Variants in VAT1L observed in about 807,000 individuals in gnomAD.
VAT1L encodes putative NADPH-dependent quinone oxidoreductase VAT1L.
VAT1L carries 34 observed loss-of-function variants against 44.1 expected under a neutral mutation model. That is an observed-to-expected ratio of 0.77 (90% CI 0.59 to 1.03). VAT1L has a LOEUF of 1.03. Among genes scored for constraint, VAT1L ranks in the 50% least tolerant of loss-of-function variants. The pLI is 0.00. For synonymous variants in VAT1L, 253 were observed against 202.2 expected (o/e 1.25, Z -2.13); for missense variants, 615 against 538.8 (o/e 1.14, Z -1.40).
chr16:77,834,475 C>A (rs1296731631), intron 3 of VAT1L, among the ~76,000 whole-genome samples: 2 of 152,168 alleles, frequency 1.3e-5, no homozygotes, highest in Non-Finnish European at 2.9e-5. Context: ...CACATCACTT[C>A]CAGGCCTGCC....
At chr16:77,942,412 C>G (rs927048161) in intron 7 of VAT1L, among the ~76,000 whole-genome samples, 1 of 151,864 alleles carries the variant, frequency 6.6e-6, no homozygotes, top group Admixed American at 6.6e-5. Context: ...GGGGACACAG[C>G]CACACCATAT....
intron 5 of VAT1L, among the ~76,000 whole-genome samples, chr16:77,878,484 TATAAAGG>T (rs1490771509): frequency 1.3e-5 from 2 of 151,834 alleles, no homozygotes; most frequent in Non-Finnish European, 2.9e-5. Context: ...CCCGAAACCT[TATAAAGG>T]GTCTTTACTC....
chr16:77,933,838 G>C (rs998613466), intron 7 of VAT1L, among the ~76,000 whole-genome samples: 2 of 152,210 alleles, frequency 1.3e-5, no homozygotes, highest in African/African-American at 4.8e-5. Context: ...GAAGTAGTCA[G>C]ATGGCACATA....
At chr16:77,866,612 G>GA (rs3038775) in intron 4 of VAT1L, among the ~76,000 whole-genome samples, 3,884 of 114,926 alleles carry the variant, frequency 0.034, 133 homozygotes, top group African/African-American at 0.097. Context: ...CAATGAACCA[G>GA]AAAAAAAAAA....
At chr16:77,854,082 C>T (rs984714004) in intron 3 of VAT1L, among the ~76,000 whole-genome samples, 3 of 151,830 alleles carry the variant, frequency 2.0e-5, no homozygotes, top group African/African-American at 4.8e-5. Flanking sequence ...GAGCCAAGAT[C>T]GCACCACTGC....
At position 77,822,895 on chromosome 16, in the gene VAT1L, G is replaced by A. The variant is rs1248938641; in HGVS notation, c.364-2351G>A. Among the ~76,000 whole-genome samples, 3 of 152,114 alleles carry A rather than the reference G, an allele frequency of 2.0e-5. No homozygotes were observed. In the East Asian group the frequency reaches 5.8e-4, roughly 29 times the overall value. On this transcript the variant is annotated intron_variant, in intron 2 of 8. Transcript: ENST00000302536. Reference sequence around the variant, plus strand: ...TCTGAATTAGGTAACCCGAACCCCTGCCCCCGACAGAGCTGCCCTGGCAGC... The same window carrying A: ...TCTGAATTAGGTAACCCGAACCCCTACCCCCGACAGAGCTGCCCTGGCAGC...
intron 7 of VAT1L, among the ~76,000 whole-genome samples, chr16:77,952,587 G>C (rs1446521345): frequency 6.6e-6 from 1 of 152,042 alleles, no homozygotes; most frequent in African/African-American, 2.4e-5. Context: ...ATGAGCCCCT[G>C]GTGACTCACA....
chr16:77,926,843 C>T (rs1319330223), intron 7 of VAT1L, among the ~76,000 whole-genome samples: 2 of 152,108 alleles, frequency 1.3e-5, no homozygotes, highest in African/African-American at 2.4e-5. Context: ...GGGACACCCT[C>T]CCTCCTTCCA....
chr16:77,838,701 C>G (rs1167176560), intron 3 of VAT1L, among the ~76,000 whole-genome samples: 1 of 151,574 alleles, frequency 6.6e-6, no homozygotes, highest in Non-Finnish European at 1.5e-5. Flanking sequence ...CTGTCCATTT[C>G]CATCTCTCTT....
chr16:77,880,320 C>T (rs1056370003), intron 6 of VAT1L, among the ~76,000 whole-genome samples: 13 of 152,098 alleles, frequency 8.5e-5, no homozygotes, highest in South Asian at 2.1e-4. Flanking sequence ...CTATACCCAG[C>T]GAATTTATGT....
At chr16:77,930,221 C>A (rs952211294) in intron 7 of VAT1L, among the ~76,000 whole-genome samples, 26 of 152,294 alleles carry the variant, frequency 1.7e-4, no homozygotes, top group Non-Finnish European at 2.8e-4. Flanking sequence ...TTGAGATGAA[C>A]CACTGAATTC....
chr16:77,876,557 T>C (rs2017089403), intron 5 of VAT1L, 84 bp downstream of exon 5: 20 of 1,234,952 alleles, frequency 1.6e-5, no homozygotes, highest in Non-Finnish European at 2.1e-5. Context: ...AAGTGAATTG[T>C]GCTGATATGT....
At position 77,909,687 on chromosome 16, in the gene VAT1L, A is replaced by G. The variant is rs551068040; in HGVS notation, c.1077+24885A>G. ...TCTCTTGAGCTACTGAGTGCTGAGCACTCTGCCTGTATCTTTTCGTGCAAT... is the reference window on the plus strand; with the variant it reads ...TCTCTTGAGCTACTGAGTGCTGAGCGCTCTGCCTGTATCTTTTCGTGCAAT... On this transcript the variant is annotated intron_variant, in intron 7 of 8. Coordinates refer to ENST00000302536, the MANE Select transcript of VAT1L (RefSeq NM_020927.3). Among the ~76,000 whole-genome samples, 6 of 150,774 alleles carry G rather than the reference A, an allele frequency of 4.0e-5. No individual in the cohort carries two copies. The East Asian group carries it at 9.8e-4, about 25-fold the overall frequency.
chr16:77,892,306 T>G, intron 7 of VAT1L: 1 of 264,902 alleles, frequency 3.8e-6, no homozygotes, highest in Admixed American at 4.5e-5. Context: ...ATGGCAGATT[T>G]CAACTAGCTG....
At chr16:77,925,229 G>A (rs1323660222) in intron 7 of VAT1L, among the ~76,000 whole-genome samples, 1 of 152,124 alleles carries the variant, frequency 6.6e-6, no homozygotes, top group East Asian at 1.9e-4. Context: ...GCAGCCTGGA[G>A]AGTGAGGGCC....
intron 3 of VAT1L, among the ~76,000 whole-genome samples, chr16:77,836,757 T>C (rs1485051351): frequency 6.6e-6 from 1 of 152,218 alleles, no homozygotes; most frequent in Non-Finnish European, 1.5e-5. Context: ...TCATTCTTTA[T>C]TTTAATTGTT....
Position 77,825,823 on chromosome 16 carries a change from T to C in VAT1L, c.579+362T>C, listed in dbSNP as rs1024378758. ...CGAAGTCAGGAGATCAAGACCATCC[T>C]GGCTAACACGGTGAAACCCCGTCTC... is the stretch of plus-strand genomic sequence containing the variant. On this transcript the variant is annotated intron_variant, in intron 3 of 8. Coordinates refer to ENST00000302536, the MANE Select transcript of VAT1L (RefSeq NM_020927.3). Among the ~76,000 whole-genome samples, 5 of 149,102 alleles carry C rather than the reference T, an allele frequency of 3.4e-5. No individual in the cohort carries two copies. In the Admixed American group the frequency reaches 3.4e-4, roughly 10 times the overall value.
intron 7 of VAT1L, among the ~76,000 whole-genome samples, chr16:77,920,283 TGA>T (rs1459053674): frequency 6.6e-6 from 1 of 152,106 alleles, no homozygotes; most frequent in Non-Finnish European, 1.5e-5. Context: ...TGATCTGGTG[TGA>T]GTTACGAATG....
chr16:77,845,396 C>T (rs796917560), intron 3 of VAT1L, among the ~76,000 whole-genome samples: 6 of 152,140 alleles, frequency 3.9e-5, no homozygotes, highest in Admixed American at 1.3e-4. Context: ...TTCTATGTCA[C>T]CTCTCAGAGG....
Sources: gnomAD v4.1 joint callset for allele counts (sites outside exome capture counted in the v4.1 genomes callset) on GRCh38, gnomAD v4.1.1 for gene constraint, MANE v1.5 for transcripts, NCBI Gene and HGNC (gene_info 2026-07-23, HGNC 2026-07-21) for gene names.